The following QTMAN variants were observed in gnomAD, a reference collection of about 807,000 sequenced individuals.
The protein encoded by QTMAN is queuosine-tRNA mannosyltransferase, also known as tRNA-queuosine alpha-mannosyltransferase.
At chr2:144,128,801 T>C in the QTMAN span, among the ~76,000 whole-genome samples, 8 of 152,038 alleles carry the variant, frequency 5.3e-5, no homozygotes, top group Non-Finnish European at 7.4e-5. Flanking sequence ...AAATCGACTG[T>C]CTAAAACTGA....
chr2:144,264,702 A>G, the QTMAN span, among the ~76,000 whole-genome samples: 6 of 152,212 alleles, frequency 3.9e-5, no homozygotes, highest in Non-Finnish European at 7.3e-5. Flanking sequence ...CTAAGCTACC[A>G]TGAGAGGGAA....
chr2:144,025,170 A>G, the QTMAN span, among the ~76,000 whole-genome samples: 1 of 152,118 alleles, frequency 6.6e-6, no homozygotes, highest in Non-Finnish European at 1.5e-5. Context: ...ATCACTCTCT[A>G]ACAGCCTATA....
the QTMAN span, among the ~76,000 whole-genome samples, chr2:144,008,357 T>A: frequency 2.6e-5 from 4 of 151,922 alleles, no homozygotes; most frequent in East Asian, 5.8e-4. Context: ...AGATTAATGC[T>A]GACTTGGGGC....
the QTMAN span, among the ~76,000 whole-genome samples, chr2:144,073,792 G>C: frequency 2.6e-5 from 4 of 152,220 alleles, no homozygotes; most frequent in African/African-American, 9.6e-5. Context: ...TCCCAACCTT[G>C]ATGGGGAGAA....
chr2:144,233,177 C>A, the QTMAN span, among the ~76,000 whole-genome samples: 1 of 152,108 alleles, frequency 6.6e-6, no homozygotes, highest in Non-Finnish European at 1.5e-5. Context: ...AGGCAAATAT[C>A]ACTCAAAAGT....
At chr2:144,252,689 A>G in the QTMAN span, among the ~76,000 whole-genome samples, 1 of 152,204 alleles carries the variant, frequency 6.6e-6, no homozygotes, top group Non-Finnish European at 1.5e-5. Context: ...ACAGTTTTGC[A>G]GTTCCTACAA....
chr2:144,246,296 G>A, the QTMAN span, among the ~76,000 whole-genome samples: 8 of 152,218 alleles, frequency 5.3e-5, no homozygotes, highest in South Asian at 2.1e-4. Context: ...TTTAAAGGCC[G>A]GGCGCGGTGG....
the QTMAN span, among the ~76,000 whole-genome samples, chr2:144,127,746 G>C: frequency 6.6e-6 from 1 of 151,936 alleles, no homozygotes; most frequent in Non-Finnish European, 1.5e-5. Flanking sequence ...TTGATCTCTA[G>C]GACTTAATGT....
chr2:144,146,167 G>A, the QTMAN span, among the ~76,000 whole-genome samples: 1 of 149,298 alleles, frequency 6.7e-6, no homozygotes, highest in African/African-American at 2.5e-5. Flanking sequence ...CAATGTATGA[G>A]CAGGAATGGC....
At chr2:144,268,318 G>A in the QTMAN span, among the ~76,000 whole-genome samples, 7 of 152,038 alleles carry the variant, frequency 4.6e-5, no homozygotes, top group Non-Finnish European at 8.8e-5. Context: ...CTGCAGAACC[G>A]TGGGCCAAAT....
the QTMAN span, among the ~76,000 whole-genome samples, chr2:144,104,082 T>C: frequency 2.0e-5 from 3 of 152,048 alleles, no homozygotes; most frequent in African/African-American, 7.2e-5. Context: ...AGAGCAAGAC[T>C]CCATCTCAAA....
chr2:144,133,188 A>C, the QTMAN span, among the ~76,000 whole-genome samples: 5 of 36,674 alleles, frequency 1.4e-4, no homozygotes, highest in Non-Finnish European at 2.3e-4. Flanking sequence ...ATATAATATA[A>C]ATTTATATAT....
the QTMAN span, among the ~76,000 whole-genome samples, chr2:144,198,462 T>C: frequency 5.0e-3 from 763 of 152,266 alleles, 5 homozygotes; most frequent in African/African-American, 0.018. Flanking sequence ...AAAGAGGTAC[T>C]CGCAGATAAT....
chr2:144,291,268 A>T, the QTMAN span, among the ~76,000 whole-genome samples: 1 of 152,206 alleles, frequency 6.6e-6, no homozygotes, highest in African/African-American at 2.4e-5. Flanking sequence ...TTGGGGTACT[A>T]GGAGTTAGGA....
the QTMAN span, among the ~76,000 whole-genome samples, chr2:144,164,030 C>T: frequency 6.6e-6 from 1 of 152,166 alleles, no homozygotes; most frequent in Non-Finnish European, 1.5e-5. Flanking sequence ...TCAAGCGATT[C>T]TCCTGCCTCA....
the QTMAN span, among the ~76,000 whole-genome samples, chr2:144,316,910 G>C: frequency 6.6e-6 from 1 of 152,134 alleles, no homozygotes; most frequent in African/African-American, 2.4e-5. Context: ...CTAAGACTTT[G>C]TATACACCAT....
chr2:144,241,725 G>A, the QTMAN span, among the ~76,000 whole-genome samples: 1 of 151,742 alleles, frequency 6.6e-6, no homozygotes, highest in Admixed American at 6.6e-5. Context: ...TTCTTTAGGA[G>A]GAAGCTTATC....
the QTMAN span, among the ~76,000 whole-genome samples, chr2:144,114,803 T>C: frequency 6.6e-6 from 1 of 152,302 alleles, no homozygotes; most frequent in East Asian, 1.9e-4. Context: ...AAAGCTTAGA[T>C]GAGCAACTAG....
At chr2:144,007,635 G>A in the QTMAN span, 3 of 678,604 alleles carry the variant, frequency 4.4e-6, no homozygotes, top group East Asian at 3.1e-5. Context: ...ATATAAAACT[G>A]AGAAAAAATA....
Sources: gnomAD v4.1 joint callset for allele counts (sites outside exome capture counted in the v4.1 genomes callset) on GRCh38, gnomAD v4.1.1 for gene constraint, MANE v1.5 for transcripts, NCBI Gene and HGNC (gene_info 2026-07-23, HGNC 2026-07-21) for gene names.